NAALADL2: variants seen among roughly 807,000 people sequenced by gnomAD.
NAALADL2 encodes inactive N-acetylated-alpha-linked acidic dipeptidase-like protein 2.
Under a neutral mutation model 87.2 loss-of-function variants are expected in NAALADL2, and 76 were observed. The ratio of observed to expected loss-of-function variants is 0.87; its 90% CI spans 0.72 to 1.05. The LOEUF (loss-of-function observed/expected upper bound fraction) is 1.05, where lower values mean the gene tolerates loss of function less well. NAALADL2 is among the 50% of genes least tolerant of loss of function. NAALADL2 has a pLI of 0.00. For missense variants in NAALADL2, 1,089 were observed against 945.8 expected (o/e 1.15, Z -1.99); for synonymous variants, 354 against 331.0 (o/e 1.07, Z -0.75).
chr3:175,317,986 C>G (rs1311894301), intron 4 of NAALADL2, among the ~76,000 whole-genome samples: 1 of 151,966 alleles, frequency 6.6e-6, no homozygotes. Context: ...AGAGATTTTG[C>G]TACAAGCATG....
chr3:174,586,770 G>A (rs1350452928), intron 2 of NAALADL2, among the ~76,000 whole-genome samples: 1 of 151,994 alleles, frequency 6.6e-6, no homozygotes, highest in African/African-American at 2.4e-5. Flanking sequence ...CATTTCTCAA[G>A]GTATGCTTAT....
At chr3:174,600,144 A>T (rs1197641444) in intron 2 of NAALADL2, among the ~76,000 whole-genome samples, 1 of 152,006 alleles carries the variant, frequency 6.6e-6, no homozygotes, top group African/African-American at 2.4e-5. Context: ...TTGGATTTTT[A>T]TGCCTCCCCA....
chr3:174,618,958 C>A (rs541566), intron 2 of NAALADL2, among the ~76,000 whole-genome samples: 6 of 151,616 alleles, frequency 4.0e-5, no homozygotes, highest in Non-Finnish European at 7.4e-5. Flanking sequence ...GTACATGAAC[C>A]TTTCAATGGT....
chr3:175,292,929 C>A (rs1038058084), intron 4 of NAALADL2, among the ~76,000 whole-genome samples: 7 of 146,888 alleles, frequency 4.8e-5, no homozygotes, highest in African/African-American at 1.5e-4. Flanking sequence ...CCCAGCTACT[C>A]GGGAGGCTGA....
intron 9 of NAALADL2, among the ~76,000 whole-genome samples, chr3:175,551,117 A>G (rs1387602708): frequency 6.6e-6 from 1 of 151,572 alleles, no homozygotes; most frequent in Non-Finnish European, 1.5e-5. Context: ...TCCTAGCTGA[A>G]TTTTCTTAAT....
intron 1 of NAALADL2, among the ~76,000 whole-genome samples, chr3:174,973,192 T>A (rs1488058954): frequency 6.6e-6 from 1 of 152,202 alleles, no homozygotes; most frequent in African/African-American, 2.4e-5. Flanking sequence ...CTTTATGGCA[T>A]ACGTTTTTAA....
intron 6 of NAALADL2, among the ~76,000 whole-genome samples, chr3:175,451,468 A>C (rs528669189): frequency 6.6e-6 from 1 of 152,282 alleles, no homozygotes; most frequent in East Asian, 1.9e-4. Flanking sequence ...TGACCCATTC[A>C]TTCAACGTAT....
chr3:174,523,886 CT>C (rs2108420267), intron 1 of NAALADL2, among the ~76,000 whole-genome samples: 1 of 151,946 alleles, frequency 6.6e-6, no homozygotes, highest in Non-Finnish European at 1.5e-5. Flanking sequence ...TGCTTTTTTC[CT>C]TTTTTTAAAA....
At chr3:174,993,339 T>G (rs147340826) in intron 1 of NAALADL2, among the ~76,000 whole-genome samples, 121 of 152,260 alleles carry the variant, frequency 7.9e-4, no homozygotes, top group African/African-American at 2.8e-3. Context: ...TTCCCCCTGG[T>G]TATGAGCCAG....
intron 2 of NAALADL2, among the ~76,000 whole-genome samples, chr3:174,557,756 C>T (rs754820281): frequency 3.3e-5 from 5 of 151,912 alleles, no homozygotes; most frequent in Non-Finnish European, 7.4e-5. Context: ...AATAACACCC[C>T]GAAGTTTGAT....
intron 1 of NAALADL2, among the ~76,000 whole-genome samples, chr3:174,922,169 G>A (rs1373337102): frequency 6.6e-6 from 1 of 151,914 alleles, no homozygotes; most frequent in Admixed American, 6.6e-5. Context: ...AATTAGTCTG[G>A]CATGATGTTG....
chr3:174,821,419 C>T (rs1289821326), intron 3 of NAALADL2, among the ~76,000 whole-genome samples: 1 of 152,132 alleles, frequency 6.6e-6, no homozygotes, highest in South Asian at 2.1e-4. Flanking sequence ...TATTTATTAG[C>T]ATTTAAACAG....
chr3:175,582,848 T>C (rs1719977133), intron 10 of NAALADL2, among the ~76,000 whole-genome samples: 1 of 152,196 alleles, frequency 6.6e-6, no homozygotes, highest in African/African-American at 2.4e-5. Flanking sequence ...CAATTTCCAC[T>C]CCTTTAAAAC....
At chr3:175,558,111 C>T (rs780185358) in intron 9 of NAALADL2, among the ~76,000 whole-genome samples, 231 of 144,036 alleles carry the variant, frequency 1.6e-3, no homozygotes, top group Admixed American at 3.8e-3. Flanking sequence ...AGGAGAATGG[C>T]GTGAACCCGG....
chr3:175,061,845 A>G (rs1265061954), intron 1 of NAALADL2, among the ~76,000 whole-genome samples: 2 of 151,700 alleles, frequency 1.3e-5, no homozygotes, highest in South Asian at 4.2e-4. Flanking sequence ...AGTTGTACTA[A>G]GGAAAGTCTT....
intron 5 of NAALADL2, 30 bp from the exon 6 acceptor site, chr3:175,447,199 G>A: frequency 6.7e-7 from 1 of 1,486,488 alleles, no homozygotes; most frequent in Non-Finnish European, 9.0e-7. Context: ...TGTTTACTAA[G>A]GATTATCTTC....
intron 4 of NAALADL2, among the ~76,000 whole-genome samples, chr3:175,281,282 C>A (rs565664124): frequency 6.5e-4 from 99 of 151,748 alleles, no homozygotes; most frequent in Middle Eastern, 3.4e-3. Flanking sequence ...TTTTGTGTTA[C>A]TTTCCTTAGA....
intron 1 of NAALADL2, among the ~76,000 whole-genome samples, chr3:174,989,311 GT>G (rs1306253113): frequency 2.0e-5 from 3 of 152,138 alleles, no homozygotes; most frequent in Non-Finnish European, 4.4e-5. Context: ...AGACAGATAA[GT>G]TTTTAGGGAA....
intron 11 of NAALADL2, among the ~76,000 whole-genome samples, chr3:175,735,829 T>C (rs1279526437): frequency 6.6e-6 from 1 of 152,188 alleles, no homozygotes; most frequent in African/African-American, 2.4e-5. Context: ...ATTTGCACCT[T>C]GTTGAATATA....
Sources: allele counts gnomAD v4.1 joint callset (sites outside exome capture counted in the v4.1 genomes callset), GRCh38; gene constraint gnomAD v4.1.1; transcripts MANE v1.5; gene names NCBI Gene and HGNC (gene_info 2026-07-23, HGNC 2026-07-21).